CSMD1: variants seen among roughly 807,000 people sequenced by gnomAD.
The protein encoded by CSMD1 is CUB and Sushi multiple domains 1.
A neutral mutation model predicts 417.5 loss-of-function variants in CSMD1; 213 were observed. That is an observed-to-expected ratio of 0.51 (90% CI 0.46 to 0.57). The LOEUF (loss-of-function observed/expected upper bound fraction) is 0.57. CSMD1 is among the 20% of genes least tolerant of loss of function. The pLI is 0.00. For synonymous variants in CSMD1, 2,862 were observed against 1,736.8 expected (o/e 1.65, Z -16.11); for missense variants, 6,923 against 4,529.7 (o/e 1.53, Z -15.17).
intron 1 of CSMD1, among the ~76,000 whole-genome samples, chr8:4,810,043 A>T (rs978230283): frequency 2.6e-5 from 4 of 152,228 alleles, no homozygotes; most frequent in Non-Finnish European, 4.4e-5. Context: ...GCTCAATATA[A>T]ATGTTATACA....
chr8:3,786,494 G>A (rs913191504), intron 5 of CSMD1, among the ~76,000 whole-genome samples: 20 of 152,176 alleles, frequency 1.3e-4, no homozygotes, highest in Admixed American at 6.5e-4. Flanking sequence ...GATAGTGTCA[G>A]ACAACCTAGG....
At chr8:4,175,142 C>T (rs184417869) in intron 3 of CSMD1, among the ~76,000 whole-genome samples, 2 of 152,056 alleles carry the variant, frequency 1.3e-5, no homozygotes, top group South Asian at 2.1e-4. Flanking sequence ...TGTAAGACCT[C>T]GACCATCAAG....
intron 7 of CSMD1, among the ~76,000 whole-genome samples, chr8:3,631,689 A>G (rs570411256): frequency 3.0e-4 from 46 of 152,366 alleles, no homozygotes; most frequent in African/African-American, 1.0e-3. Flanking sequence ...TGAAGTCGTC[A>G]GACGGAGGGA....
intron 3 of CSMD1, among the ~76,000 whole-genome samples, chr8:4,173,854 G>T (rs938796546): frequency 1.3e-5 from 2 of 152,134 alleles, no homozygotes; most frequent in African/African-American, 4.8e-5. Flanking sequence ...TACTTCTTGG[G>T]AAGTCTCTTC....
chr8:4,520,322 T>C (rs1054013649), intron 2 of CSMD1, among the ~76,000 whole-genome samples: 1 of 152,234 alleles, frequency 6.6e-6, no homozygotes, highest in Admixed American at 6.5e-5. Flanking sequence ...GAACATTTGC[T>C]GTAGATAATA....
chr8:3,081,037 A>G (rs1041216478), intron 49 of CSMD1, among the ~76,000 whole-genome samples: 2 of 152,372 alleles, frequency 1.3e-5, no homozygotes, highest in African/African-American at 4.8e-5. Flanking sequence ...GTGATGGATT[A>G]GTGATTTTAT....
chr8:4,468,404 G>A (rs1305966461), intron 2 of CSMD1, among the ~76,000 whole-genome samples: 2 of 152,144 alleles, frequency 1.3e-5, no homozygotes, highest in African/African-American at 2.4e-5. Context: ...TAAACCTTTA[G>A]CAGGGTAGAC....
intron 3 of CSMD1, among the ~76,000 whole-genome samples, chr8:4,393,908 T>G (rs1414297412): frequency 6.6e-6 from 1 of 152,234 alleles, no homozygotes; most frequent in African/African-American, 2.4e-5. Flanking sequence ...CTTTCCATCT[T>G]AAATCCGTTA....
chr8:3,329,438 C>T lies in CSMD1; in HGVS notation c.3631+13856G>A, dbSNP rs553796664. Among the ~76,000 whole-genome samples the T allele has an allele frequency of 1.4e-3, 216 of 152,192 alleles. 1 individual carries two copies. The highest frequency in any genetic ancestry group is 4.7e-3 in the African/African-American group (196 of 41,520). On this transcript the variant is annotated intron_variant, in intron 23 of 69. Coordinates refer to ENST00000635120, the MANE Select transcript of CSMD1 (RefSeq NM_033225.6). ...GATGGAGAGTTCGAGATGTGTTCCA[C>T]ATTACAGGGGAGCATATATGATGAA...
At chr8:4,374,065 A>G (rs1802563096) in intron 3 of CSMD1, among the ~76,000 whole-genome samples, 1 of 152,144 alleles carries the variant, frequency 6.6e-6, no homozygotes, top group African/African-American at 2.4e-5. Context: ...AAATAATATA[A>G]TCAATAATGA....
chr8:4,133,041 C>G (rs1258067654), intron 3 of CSMD1, among the ~76,000 whole-genome samples: 1 of 152,084 alleles, frequency 6.6e-6, no homozygotes, highest in Admixed American at 6.5e-5. Context: ...TAAAGCGATT[C>G]TTTTCTGCCT....
chr8:3,882,310 A>T (rs1806260636), intron 5 of CSMD1, among the ~76,000 whole-genome samples: 1 of 152,236 alleles, frequency 6.6e-6, no homozygotes, highest in Non-Finnish European at 1.5e-5. Context: ...ATTCAACTTC[A>T]TTAGCAGTCA....
intron 10 of CSMD1, among the ~76,000 whole-genome samples, chr8:3,502,044 CAAAT>C (rs1230969695): frequency 6.6e-6 from 1 of 152,140 alleles, no homozygotes; most frequent in Non-Finnish European, 1.5e-5. Flanking sequence ...ATATGCTTAT[CAAAT>C]AATGAAATAA....
intron 1 of CSMD1, among the ~76,000 whole-genome samples, chr8:4,831,948 T>A (rs1297095779): frequency 6.6e-6 from 1 of 152,160 alleles, no homozygotes; most frequent in Non-Finnish European, 1.5e-5. Context: ...GATTTAAAAT[T>A]TTTGTCTGGG....
intron 5 of CSMD1, among the ~76,000 whole-genome samples, chr8:3,877,222 C>T (rs1805883647): frequency 6.6e-6 from 1 of 152,148 alleles, no homozygotes. Context: ...GCACCCCACA[C>T]TGCTTGCTTT....
At chr8:3,569,970 T>C (rs1039498563) in intron 10 of CSMD1, among the ~76,000 whole-genome samples, 7 of 152,234 alleles carry the variant, frequency 4.6e-5, no homozygotes, top group Non-Finnish European at 1.5e-5. Context: ...ATGTGTTAAT[T>C]ATTAAGTCCT....
At chr8:3,420,966 C>A (rs1049215197) in intron 12 of CSMD1, among the ~76,000 whole-genome samples, 1 of 151,970 alleles carries the variant, frequency 6.6e-6, no homozygotes, top group South Asian at 2.1e-4. Context: ...GAGACTAATA[C>A]TGCCTATTTA....
rs191194383 is a variant in CSMD1 at position 4,010,583 on chromosome 8, G to C, written c.611-12473C>G. 4.5e-4 allele frequency among the ~76,000 whole-genome samples: 68 copies of C among 150,976 alleles called. 1 individual carries two copies. The highest frequency in any genetic ancestry group is 1.6e-3 in the African/African-American group (65 of 41,054). On this transcript the variant is annotated intron_variant, in intron 4 of 69. Coordinates refer to ENST00000635120, the MANE Select transcript of CSMD1 (RefSeq NM_033225.6). ...TAAGGCATCAGTTTCTACAGCTGCA[G>C]TCTGACTACATTCTGAGCCCAACTC...
At chr8:4,251,984 G>C (rs1167275786) in intron 3 of CSMD1, among the ~76,000 whole-genome samples, 1 of 152,014 alleles carries the variant, frequency 6.6e-6, no homozygotes. Flanking sequence ...GGAGAAAACA[G>C]AGCTAATTAC....
Sources: gnomAD v4.1 joint callset for allele counts (sites outside exome capture counted in the v4.1 genomes callset) on GRCh38, gnomAD v4.1.1 for gene constraint, MANE v1.5 for transcripts, NCBI Gene and HGNC (gene_info 2026-07-23, HGNC 2026-07-21) for gene names.